The following PSPH variants were observed in gnomAD, a reference collection of about 807,000 sequenced individuals.
PSPH encodes the protein phosphoserine phosphatase, also known as L-3-phosphoserine phosphatase.
A neutral mutation model predicts 23.4 loss-of-function variants in PSPH; 16 were observed. The ratio of observed to expected loss-of-function variants is 0.68; its 90% CI spans 0.46 to 1.04. The LOEUF is 1.04. Among genes scored for constraint, PSPH ranks in the 50% least tolerant of loss-of-function variants. PSPH has a pLI of 0.00. For synonymous variants in PSPH, 68 were observed against 99.7 expected, an observed-to-expected ratio of 0.68 and a Z score of 1.89; for missense variants, 223 against 273.7, an observed-to-expected ratio of 0.81 and a Z score of 1.31.
intron 1 of PSPH, among the ~76,000 whole-genome samples, chr7:56,035,132 G>T (rs1264337196): frequency 6.6e-6 from 1 of 152,118 alleles, no homozygotes; most frequent in Non-Finnish European, 1.5e-5. Context: ...CCTGAGGTCA[G>T]GAGTTCGAGA....
At chr7:56,043,253 A>C (rs1430473160) in intron 1 of PSPH, 2 of 149,898 alleles carry the variant, frequency 1.3e-5, no homozygotes, top group Non-Finnish European at 3.0e-5. Context: ...TGGGCGATAG[A>C]GTGAGACTCT....
At chr7:56,045,614 C>T (rs997701846) in intron 1 of PSPH, among the ~76,000 whole-genome samples, 2 of 151,970 alleles carry the variant, frequency 1.3e-5, no homozygotes, top group African/African-American at 2.4e-5. Context: ...TGGCCAGGCG[C>T]GGTGGCTCCA....
chr7:56,022,448 T>A (rs1375454775), intron 3 of PSPH, among the ~76,000 whole-genome samples: 1 of 152,090 alleles, frequency 6.6e-6, no homozygotes, highest in Non-Finnish European at 1.5e-5. Context: ...ATTTGGCATG[T>A]GCTGGGAGGA....
At chr7:56,012,224 C>T (rs1347645451) in intron 7 of PSPH, among the ~76,000 whole-genome samples, 1 of 151,982 alleles carries the variant, frequency 6.6e-6, no homozygotes, top group Non-Finnish European at 1.5e-5. Flanking sequence ...CAGAGTCTCA[C>T]CCTGTCACCC....
chr7:56,011,799 GTGA>G lies in PSPH; in HGVS notation c.638_640del (p.Ile213del). On this transcript the variant is annotated inframe_deletion, in exon 8 of 8. Transcript: ENST00000275605. ...TTCTCCCAGCAGCTCTACAAAATCA[GTGA>G]TATACCATTTGGCGTTATCCTTGAC... 1 of 1,613,484 alleles carries G rather than the reference GTGA, an allele frequency of 6.2e-7. No homozygotes were observed. Among genetic ancestry groups the G allele is most frequent in the Non-Finnish European group, 8.5e-7 (1 of 1,179,474 alleles).
At position 56,021,155 on chromosome 7, in the gene PSPH, C is replaced by A. The variant is rs549748554; in HGVS notation, c.58G>T (p.Asp20Tyr). 13 of 1,614,090 alleles carry A rather than the reference C, an allele frequency of 8.1e-6. No homozygotes were observed. Among genetic ancestry groups the A allele is most frequent in the African/African-American group, 1.3e-5 (1 of 74,960 alleles). The change falls in exon 4 of 8, where the codon GAT (aspartate) becomes TAT (tyrosine). Residue 20 changes from aspartate (D) to tyrosine (Y), a missense_variant. Transcript: ENST00000275605. ...LFYSADAVCF[D>Y]VDSTVIREEG... ...TCTCTGATGACCGTGCTGTCAACAT[C>A]AAAACACACAGCATCTGCTGAGTAG...
chr7:56,038,413 C>T (rs1318814802), intron 1 of PSPH, among the ~76,000 whole-genome samples: 1 of 151,892 alleles, frequency 6.6e-6, no homozygotes, highest in Admixed American at 6.6e-5. Context: ...GAGCGGAGAT[C>T]GCGCCACTGC....
chr7:56,028,439 C>T (rs968125354), intron 3 of PSPH, among the ~76,000 whole-genome samples: 13 of 152,060 alleles, frequency 8.5e-5, no homozygotes, highest in African/African-American at 3.1e-4. Flanking sequence ...ACTATGTTAC[C>T]CAGGCCGGTC....
intron 6 of PSPH, among the ~76,000 whole-genome samples, chr7:56,016,593 A>C (rs186072263): frequency 6.6e-6 from 1 of 151,502 alleles, no homozygotes; most frequent in Non-Finnish European, 1.5e-5. Context: ...TTTTAAAGAC[A>C]GGGTCTCGCT....
intron 1 of PSPH, among the ~76,000 whole-genome samples, chr7:56,043,643 C>T: frequency 6.8e-6 from 1 of 146,938 alleles, no homozygotes; most frequent in Admixed American, 6.8e-5. Flanking sequence ...ATGAGACCAC[C>T]CCTCCCCCCA....
intron 1 of PSPH, among the ~76,000 whole-genome samples, chr7:56,039,788 AAAAAATTAAAAAAAAAAAAAC>A (rs1455960208): frequency 6.7e-6 from 1 of 149,928 alleles, no homozygotes; most frequent in African/African-American, 2.5e-5. Context: ...AAAAAAAAAA[AAAAAATTAAAAAAAAAAAAAC>A]AATATATGGC....
rs147669303 is a variant in PSPH, at chr7:56,025,551, G to T, written c.-19-4320C>A. Among the ~76,000 whole-genome samples, 98 of 151,226 alleles carry T rather than the reference G, an allele frequency of 6.5e-4. 4 individuals carry two copies. The East Asian group carries it at 0.012, about 18-fold the overall frequency. The stretch of plus-strand genomic sequence containing the variant: ...TGGAACTACAGGCGTGAGCAACTGC[G>T]CCTGGTGACACACACAATTTATGGC... On this transcript the variant is annotated intron_variant, in intron 3 of 7. Transcript: ENST00000275605.
chr7:56,036,846 G>T (rs35347055), intron 1 of PSPH, among the ~76,000 whole-genome samples: 5,883 of 152,054 alleles, frequency 0.039, 165 homozygotes, highest in African/African-American at 0.075. Flanking sequence ...AGGTAATCTT[G>T]CCAGACAAGG....
chr7:56,024,985 G>A (rs1014891068), intron 3 of PSPH, among the ~76,000 whole-genome samples: 2 of 151,442 alleles, frequency 1.3e-5, no homozygotes, highest in African/African-American at 4.8e-5. Flanking sequence ...TGCATTTTTA[G>A]TAGAGATGGG....
At chr7:56,042,809 C>T (rs1210866653) in intron 1 of PSPH, among the ~76,000 whole-genome samples, 1 of 152,034 alleles carries the variant, frequency 6.6e-6, no homozygotes, top group African/African-American at 2.4e-5. Context: ...CATATTGAGA[C>T]ACCATCTCCA....
chr7:56,020,994 G>T, intron 4 of PSPH, 79 bp downstream of exon 4: 1 of 1,525,420 alleles, frequency 6.6e-7, no homozygotes, highest in Non-Finnish European at 8.9e-7. Context: ...TCCATAGCCA[G>T]GGTCTAGCAC....
chr7:56,047,617 T>G (rs1182244051), intron 1 of PSPH, among the ~76,000 whole-genome samples: 2 of 151,544 alleles, frequency 1.3e-5, no homozygotes, highest in African/African-American at 2.4e-5. Context: ...TATAATGCCT[T>G]GAAAAGGACA....
At chr7:56,013,094 TATAC>T (rs1788128669) in intron 7 of PSPH, among the ~76,000 whole-genome samples, 1 of 143,836 alleles carries the variant, frequency 7.0e-6, no homozygotes, top group Non-Finnish European at 1.5e-5. Context: ...CACACATATA[TATAC>T]ATATGTGTGT....
At chr7:56,021,920 A>T (rs927758523) in intron 3 of PSPH, among the ~76,000 whole-genome samples, 1 of 145,626 alleles carries the variant, frequency 6.9e-6, no homozygotes, top group Non-Finnish European at 1.5e-5. Context: ...ACTGCACTCC[A>T]GCCTGGGCGA....
Sources: gnomAD v4.1 joint callset for allele counts (sites outside exome capture counted in the v4.1 genomes callset) on GRCh38, gnomAD v4.1.1 for gene constraint, MANE v1.5 for transcripts, NCBI Gene and HGNC (gene_info 2026-07-23, HGNC 2026-07-21) for gene names.